Variants in ANKRD23 observed in about 807,000 individuals in gnomAD.
The protein encoded by ANKRD23 is ankyrin repeat domain 23, also known as ankyrin repeat domain-containing protein 23.
Under a neutral mutation model 38.1 loss-of-function variants are expected in ANKRD23, and 52 were observed. That is an observed-to-expected ratio of 1.36 (90% CI 1.09 to 1.72). ANKRD23 has a LOEUF of 1.72. Ranked by LOEUF, ANKRD23 falls within the 40% of genes most tolerant of loss-of-function variation. The pLI, the probability that ANKRD23 is intolerant of heterozygous loss-of-function variation, is 0.00. For synonymous variants in ANKRD23, 167 were observed against 162.9 expected, an observed-to-expected ratio of 1.03 and a Z score of -0.19; for missense variants, 416 against 400.2, an observed-to-expected ratio of 1.04 and a Z score of -0.34.
intron 2 of ANKRD23, 61 bp downstream of exon 2, chr2:96,842,304 T>C: frequency 6.2e-7 from 1 of 1,604,152 alleles, no homozygotes; most frequent in Non-Finnish European, 8.5e-7. Context: ...CAGGCCTCAC[T>C]GCTCAGCCGG....
intron 1 of ANKRD23, 22 bp downstream of exon 1, chr2:96,843,944 C>T: frequency 6.2e-7 from 1 of 1,601,582 alleles, no homozygotes; most frequent in Non-Finnish European, 8.5e-7. Flanking sequence ...GGGTGCCTCC[C>T]ACCTCCGTCC....
Position 96,839,325 on chromosome 2 carries a change from G to A in ANKRD23, c.*224C>T, listed in dbSNP as rs778256339. 8.0e-7 allele frequency: 1 copy of A among 1,250,008 alleles called. No individual in the cohort carries two copies. Among genetic ancestry groups the A allele is most frequent in the Non-Finnish European group, 1.0e-6 (1 of 999,394 alleles). 77.4% of individuals were successfully genotyped at this position (1,250,008 alleles called of 1,614,324 possible). A position where few individuals can be genotyped will look rare whatever the true frequency, so the allele number is the denominator to read the frequency against. ...CCTTGTGGTCCTCTGCTCCAGCCCT[G>A]GGAGGGAACGCGGCTCCCCTGACAC... On this transcript the variant is annotated 3_prime_UTR_variant, in exon 9 of 9. Transcript: ENST00000318357.
At chr2:96,842,846 G>A (rs2079776778) in intron 1 of ANKRD23, among the ~76,000 whole-genome samples, 1 of 152,212 alleles carries the variant, frequency 6.6e-6, no homozygotes, top group African/African-American at 2.4e-5. Context: ...CCTCAGGGCA[G>A]ATGACACCTT....
Position 96,839,906 on chromosome 2 carries a change from A to G in ANKRD23, c.724-81T>C. The G allele has an allele frequency of 1.9e-6, 3 of 1,546,122 alleles. No homozygotes were observed. The South Asian group carries it at 3.6e-5, about 18-fold the overall frequency. On this transcript the variant is annotated intron_variant, in intron 7 of 8. Coordinates refer to ENST00000318357, the MANE Select transcript of ANKRD23 (RefSeq NM_144994.8). Reference sequence around the variant, plus strand: ...AGGAAGGTCAGGGCTGCTGTCACCGAGCAGACAGCACCTCTGGTCCTGGCT... The same window carrying G: ...AGGAAGGTCAGGGCTGCTGTCACCGGGCAGACAGCACCTCTGGTCCTGGCT...
At position 96,838,484 on chromosome 2, in the gene ANKRD23, G is replaced by T; in HGVS notation, c.*1065C>A. 2.0e-6 allele frequency: 2 copies of T among 986,670 alleles called. No individual in the cohort carries two copies. Among genetic ancestry groups the T allele is most frequent in the Non-Finnish European group, 1.2e-6 (1 of 830,238 alleles). The allele number at this position is 986,670 out of a possible 1,614,324, so 61.1% of individuals were successfully genotyped here. On this transcript the variant is annotated 3_prime_UTR_variant, in exon 9 of 9. Transcript: ENST00000318357. ...GGGAAGGGATGGGAAGGGCTGGGGG[G>T]CGGCGGGGGCTCACCTTCCTCTGCT...
rs906960129 is a variant in ANKRD23 at position 96,839,258 on chromosome 2, C to T, written c.*291G>A. 8.5e-7 allele frequency: 1 copy of T among 1,173,554 alleles called. No individual in the cohort carries two copies. The allele number at this position is 1,173,554 out of a possible 1,614,324, so 72.7% of individuals were successfully genotyped here. On this transcript the variant is annotated 3_prime_UTR_variant, in exon 9 of 9. Transcript: ENST00000318357. ...AAGGCTCGTTCTTGGCCCTCACTCTCCTCCCCTTCCTGGCCCTCATCTGGA... is the reference window on the plus strand; with the variant it reads ...AAGGCTCGTTCTTGGCCCTCACTCTTCTCCCCTTCCTGGCCCTCATCTGGA...
chr2:96,839,565 G>C lies in ANKRD23; in HGVS notation c.902C>G (p.Pro301Arg). ...GTGCTGCGGTCAGCACCGGGTGCGG[G>C]GATGCGCCACGTGGGCCTGCAGGGC... ...REALQAHVAHPRTRC is the reference protein window; with the variant it reads ...REALQAHVAHRRTRC Residue 301 changes from proline (P) to arginine (R), a missense_variant, in exon 9 of 9, where the codon CCC (proline) becomes CGC (arginine). By Grantham distance (103) the Pro-to-Arg change is moderately radical (BLOSUM62 -2). Coordinates refer to ENST00000318357, the MANE Select transcript of ANKRD23 (RefSeq NM_144994.8). 2 of 1,464,230 alleles carry C rather than the reference G, an allele frequency of 1.4e-6. No individual in the cohort carries two copies. The highest frequency in any genetic ancestry group is 1.8e-6 in the Non-Finnish European group (2 of 1,112,066). The allele number at this position is 1,464,230 out of a possible 1,614,324, so 90.7% of individuals were successfully genotyped here. A position where few individuals can be genotyped will look rare whatever the true frequency, so the allele number is the denominator to read the frequency against.
chr2:96,841,218 G>T (rs1317069750), intron 3 of ANKRD23: 1 of 299,590 alleles, frequency 3.3e-6, no homozygotes, highest in Non-Finnish European at 6.3e-6. Context: ...TTAAGATGAG[G>T]TCACACCGGC....
chr2:96,840,107 T>G lies in ANKRD23; in HGVS notation c.625-12A>C. 6.4e-7 allele frequency: 1 copy of G among 1,551,394 alleles called. No individual in the cohort carries two copies. The highest frequency in any genetic ancestry group is 8.7e-7 in the Non-Finnish European group (1 of 1,146,900). On this transcript the variant is annotated splice_polypyrimidine_tract_variant and intron_variant, in intron 6 of 8. Transcript: ENST00000318357. ...GGGGTGCTCCCGATCTGAGAGCAAG[T>G]GGGGGTCAGTGCTGGGTCTGGATTG...
At chr2:96,842,697 G>T (rs1384597577) in intron 1 of ANKRD23, among the ~76,000 whole-genome samples, 186 bp from the exon 2 acceptor site, 3 of 152,230 alleles carry the variant, frequency 2.0e-5, no homozygotes, top group Admixed American at 2.0e-4. Context: ...TGTGGGTGCT[G>T]CAGGCTCCGC....
chr2:96,840,183 C>G (rs756645429), intron 6 of ANKRD23, 49 bp downstream of exon 6: 11 of 1,575,598 alleles, frequency 7.0e-6, no homozygotes, highest in Non-Finnish European at 9.5e-6. Context: ...CCAGGAACAG[C>G]GTCTGCTCCC....
rs1408600364 is a variant in ANKRD23, at chr2:96,839,826, C to T, written c.724-1G>A. 2 of 1,611,812 alleles carry T rather than the reference C, an allele frequency of 1.2e-6. No individual in the cohort carries two copies. Among genetic ancestry groups the T allele is most frequent in the African/African-American group, 1.3e-5 (1 of 75,010 alleles). Reference sequence around the variant, plus strand: ...CCTCGTGCAGAGCCGTGTCCCCTTCCTGCTGAGAACGCAGGCAGTCAAGCT... The same window carrying T: ...CCTCGTGCAGAGCCGTGTCCCCTTCTTGCTGAGAACGCAGGCAGTCAAGCT... On this transcript the variant is annotated splice_acceptor_variant, in intron 7 of 8. Transcript: ENST00000318357. LOFTEE classifies it high-confidence loss of function.
chr2:96,842,755 C>G (rs1402775192), intron 1 of ANKRD23, among the ~76,000 whole-genome samples: 1 of 152,244 alleles, frequency 6.6e-6, no homozygotes, highest in Non-Finnish European at 1.5e-5. Flanking sequence ...TCCCCGCCTA[C>G]CCTGCTCCTG....
rs144150866 is a variant in ANKRD23, at chr2:96,842,090, G to T, written c.270C>A (p.Val90=). The T allele has an allele frequency of 5.0e-6, 8 of 1,614,158 alleles. No homozygotes were observed. The South Asian group carries it at 7.7e-5, about 16-fold the overall frequency. ...CCAGGGGCTCAGGTTTCCTGGGGGG[G>T]ACTCTGTGTCTCAGTCGCTTTTTCC... ...QRRKKRLRHR[V]PPRKPEPLVK... Residue 90 remains valine, a synonymous_variant, in exon 3 of 9, where the codon GTC becomes GTA. Transcript: ENST00000318357.
rs200214574 is a variant in ANKRD23, at chr2:96,842,487, T to A, written c.52A>T (p.Lys18Ter). Reference protein sequence around the residue: ...QLVSGERVEGKVLGFGHGVPD... With the variant: ...QLVSGERVEG Reference sequence around the variant, plus strand: ...ACTCCATGTCCAAATCCCAACACTTTCCCTTCAACTCTTTCTCCACTTACC... The same window carrying A: ...ACTCCATGTCCAAATCCCAACACTTACCCTTCAACTCTTTCTCCACTTACC... Residue 18 changes from lysine (K) to a stop codon, truncating the protein, a stop_gained, in exon 2 of 9, where the codon AAA becomes TAA. Coordinates refer to ENST00000318357, the MANE Select transcript of ANKRD23 (RefSeq NM_144994.8). LOFTEE classifies it high-confidence loss of function. 8.6e-5 allele frequency: 139 copies of A among 1,613,940 alleles called. No individual in the cohort carries two copies. Among genetic ancestry groups the A allele is most frequent in the Non-Finnish European group, 1.1e-4 (134 of 1,179,962 alleles).
rs2153358554 is a variant in ANKRD23, at chr2:96,840,219, C to T, written c.624+13G>A. The T allele has an allele frequency of 6.2e-7, 1 of 1,606,378 alleles. No homozygotes were observed. On this transcript the variant is annotated intron_variant, in intron 6 of 8. Transcript: ENST00000318357. ...GTGTTCCCGACAGGCCCCCAAAGCACCGTGCCCCTCACCTTGTCCCGGGCA... is the reference window on the plus strand; with the variant it reads ...GTGTTCCCGACAGGCCCCCAAAGCATCGTGCCCCTCACCTTGTCCCGGGCA...
intron 5 of ANKRD23, 23 bp downstream of exon 5, chr2:96,840,393 G>T (rs1372637255): frequency 1.2e-6 from 2 of 1,613,460 alleles, no homozygotes; most frequent in Middle Eastern, 1.7e-4. Flanking sequence ...TCGACCAGAG[G>T]CTGGGCCTTT....
intron 5 of ANKRD23, 41 bp downstream of exon 5, chr2:96,840,375 G>T: frequency 1.2e-6 from 2 of 1,610,734 alleles, no homozygotes; most frequent in Non-Finnish European, 1.7e-6. Flanking sequence ...GGGATGTGAA[G>T]CTGGGCGTCG....
Position 96,839,136 on chromosome 2 carries a change from C to T in ANKRD23, c.*413G>A, listed in dbSNP as rs2079727230. 1 of 1,000,204 alleles carries T rather than the reference C, an allele frequency of 1.0e-6. No individual in the cohort carries two copies. Among genetic ancestry groups the T allele is most frequent in the African/African-American group, 1.7e-5 (1 of 57,820 alleles). 62.0% of individuals were successfully genotyped at this position (1,000,204 alleles called of 1,614,324 possible). A position where few individuals can be genotyped will look rare whatever the true frequency, so the allele number is the denominator to read the frequency against. On this transcript the variant is annotated 3_prime_UTR_variant, in exon 9 of 9. Transcript: ENST00000318357. ...GAGTCCCCACACACACAGACTGGCC[C>T]TGGAGAGAGCAAGGCAAGCCCCCTA...
Sources: allele counts gnomAD v4.1 joint callset (sites outside exome capture counted in the v4.1 genomes callset), GRCh38; gene constraint gnomAD v4.1.1; transcripts MANE v1.5; gene names NCBI Gene and HGNC (gene_info 2026-07-23, HGNC 2026-07-21).